The following ZMAT4 variants were observed in gnomAD, a reference collection of about 807,000 sequenced individuals.
ZMAT4 encodes zinc finger matrin-type 4.
Under a neutral mutation model 28.7 loss-of-function variants are expected in ZMAT4, and 17 were observed. The ratio of observed to expected loss-of-function variants is 0.59; its 90% CI spans 0.41 to 0.89. ZMAT4 has a LOEUF of 0.89. Ranked by LOEUF, ZMAT4 falls within the 40% of genes least tolerant of loss-of-function variation. The pLI is 0.00. For missense variants in ZMAT4, 240 were observed against 283.8 expected (o/e 0.85, Z 1.11); for synonymous variants, 117 against 109.2 (o/e 1.07, Z -0.44).
intron 5 of ZMAT4, among the ~76,000 whole-genome samples, chr8:40,671,982 T>C (rs1232984107): frequency 6.6e-6 from 1 of 152,220 alleles, no homozygotes; most frequent in Non-Finnish European, 1.5e-5. Context: ...ATTGAGTAAC[T>C]ATTATGTGTC....
chr8:40,722,322 G>A (rs567995176), intron 3 of ZMAT4, among the ~76,000 whole-genome samples: 16 of 152,310 alleles, frequency 1.1e-4, no homozygotes, highest in African/African-American at 3.8e-4. Context: ...TGAGGGTGGA[G>A]GTTTCCTACA....
chr8:40,701,270 C>T (rs987109549), intron 3 of ZMAT4, among the ~76,000 whole-genome samples: 18 of 152,060 alleles, frequency 1.2e-4, no homozygotes, highest in Admixed American at 9.8e-4. Context: ...AATTCTTATA[C>T]AATAATGTAT....
chr8:40,665,138 G>A (rs1168774141), intron 5 of ZMAT4, among the ~76,000 whole-genome samples: 1 of 152,090 alleles, frequency 6.6e-6, no homozygotes, highest in African/African-American at 2.4e-5. Flanking sequence ...CCTGAGAGGT[G>A]GAGGTTGCAG....
At position 40,637,778 on chromosome 8, in the gene ZMAT4, G is replaced by A. The variant is rs78728050; in HGVS notation, c.577+36926C>T. On this transcript the variant is annotated intron_variant, in intron 5 of 6. Transcript: ENST00000297737. ...CCTTGCTACTAAGCACTGATCCCTA[G>A]GAGGCTAGTGAGTACAATAGTATAT... is the stretch of plus-strand genomic sequence containing the variant. Among the ~76,000 whole-genome samples the A allele has an allele frequency of 4.4e-3, 664 of 152,272 alleles. 7 individuals are homozygous for A. The highest frequency in any genetic ancestry group is 0.015 in the African/African-American group (631 of 41,570).
At chr8:40,821,414 A>G (rs1340081519) in intron 2 of ZMAT4, among the ~76,000 whole-genome samples, 1 of 148,292 alleles carries the variant, frequency 6.7e-6, no homozygotes, top group Non-Finnish European at 1.5e-5. Flanking sequence ...TTCCTACTGA[A>G]ATGTTAATGT....
At chr8:40,656,582 A>T (rs1414608856) in intron 5 of ZMAT4, among the ~76,000 whole-genome samples, 7 of 152,152 alleles carry the variant, frequency 4.6e-5, no homozygotes, top group African/African-American at 9.7e-5. Context: ...CCTACATAAT[A>T]AAATATCATT....
intron 4 of ZMAT4, among the ~76,000 whole-genome samples, chr8:40,685,949 G>C (rs753813283): frequency 7.2e-5 from 11 of 152,112 alleles, no homozygotes; most frequent in Non-Finnish European, 1.3e-4. Context: ...TTAAAGCTTT[G>C]CAGGTACCTC....
intron 2 of ZMAT4, among the ~76,000 whole-genome samples, chr8:40,796,727 C>T (rs1390533456): frequency 9.2e-5 from 14 of 152,226 alleles, no homozygotes; most frequent in Non-Finnish European, 1.5e-4. Context: ...AAACATTTTT[C>T]ACAGTATTCC....
At chr8:40,746,261 C>A (rs1366034788) in intron 3 of ZMAT4, among the ~76,000 whole-genome samples, 1 of 102,950 alleles carries the variant, frequency 9.7e-6, no homozygotes, top group Non-Finnish European at 2.0e-5. Context: ...CCCTCCCTCC[C>A]TCCCTTCCTT....
At chr8:40,872,443 C>A (rs981662638) in intron 1 of ZMAT4, among the ~76,000 whole-genome samples, 1 of 152,192 alleles carries the variant, frequency 6.6e-6, no homozygotes, top group Non-Finnish European at 1.5e-5. Flanking sequence ...GTACCCCCCC[C>A]AACCCTGGAG....
chr8:40,799,843 G>A (rs1407333192), intron 2 of ZMAT4, among the ~76,000 whole-genome samples: 1 of 152,142 alleles, frequency 6.6e-6, no homozygotes, highest in Non-Finnish European at 1.5e-5. Context: ...CAACCATGAA[G>A]GGGTATAGTG....
intron 5 of ZMAT4, among the ~76,000 whole-genome samples, chr8:40,588,370 C>T (rs1213526586): frequency 1.3e-5 from 2 of 151,928 alleles, no homozygotes; most frequent in Non-Finnish European, 2.9e-5. Flanking sequence ...ATTTGTAACA[C>T]ATGTATCTGA....
chr8:40,866,683 A>G (rs981566916), intron 1 of ZMAT4, among the ~76,000 whole-genome samples: 1 of 152,204 alleles, frequency 6.6e-6, no homozygotes, highest in Non-Finnish European at 1.5e-5. Context: ...ATGTGCAACC[A>G]AATGCAAGAG....
intron 4 of ZMAT4, among the ~76,000 whole-genome samples, chr8:40,695,504 G>A (rs569311021): frequency 8.1e-4 from 123 of 152,342 alleles, no homozygotes; most frequent in Middle Eastern, 6.8e-3. Flanking sequence ...CACCCTATTC[G>A]TTCCCTTCTT....
intron 5 of ZMAT4, among the ~76,000 whole-genome samples, chr8:40,661,711 G>A (rs1808202904): frequency 6.6e-6 from 1 of 152,142 alleles, no homozygotes; most frequent in African/African-American, 2.4e-5. Context: ...AAATGAATGT[G>A]GGCCACAAAA....
At chr8:40,784,691 C>T (rs944121471) in intron 2 of ZMAT4, among the ~76,000 whole-genome samples, 7 of 152,118 alleles carry the variant, frequency 4.6e-5, no homozygotes, top group Non-Finnish European at 8.8e-5. Flanking sequence ...GTTTGATGGA[C>T]GTGAAGACAC....
intron 2 of ZMAT4, among the ~76,000 whole-genome samples, chr8:40,804,699 G>C (rs1026679900): frequency 6.6e-6 from 1 of 151,978 alleles, no homozygotes; most frequent in South Asian, 2.1e-4. Context: ...AAATTAGCTG[G>C]GTGTGGTGGC....
At chr8:40,602,160 C>A (rs538639012) in intron 5 of ZMAT4, among the ~76,000 whole-genome samples, 1 of 152,278 alleles carries the variant, frequency 6.6e-6, no homozygotes, top group South Asian at 2.1e-4. Context: ...TAATGTCCTG[C>A]AATTCCATCC....
intron 3 of ZMAT4, among the ~76,000 whole-genome samples, chr8:40,699,515 T>G (rs572103384): frequency 2.1e-4 from 32 of 152,238 alleles, no homozygotes; most frequent in African/African-American, 6.5e-4. Context: ...TTATGTTTAT[T>G]GCAGCACTAT....
Sources: gnomAD v4.1 joint callset for allele counts (sites outside exome capture counted in the v4.1 genomes callset) on GRCh38, gnomAD v4.1.1 for gene constraint, MANE v1.5 for transcripts, NCBI Gene and HGNC (gene_info 2026-07-23, HGNC 2026-07-21) for gene names.